RNF216: variants seen among roughly 807,000 people sequenced by gnomAD.
The protein encoded by RNF216 is E3 ubiquitin-protein ligase RNF216.
Under a neutral mutation model 110.8 loss-of-function variants are expected in RNF216, and 72 were observed. The ratio of observed to expected loss-of-function variants is 0.65; its 90% CI spans 0.54 to 0.79. RNF216 has a LOEUF of 0.79. Ranked by LOEUF, RNF216 falls within the 30% of genes least tolerant of loss-of-function variation. RNF216 has a pLI of 0.00. For synonymous variants in RNF216, 495 were observed against 407.5 expected (o/e 1.21, Z -2.59); for missense variants, 1,342 against 1,141.2 (o/e 1.18, Z -2.54).
chr7:5,729,354 A>T (rs1423915872), intron 7 of RNF216, 78 bp downstream of exon 7: 1 of 1,438,852 alleles, frequency 6.9e-7, no homozygotes, highest in Non-Finnish European at 9.7e-7. Context: ...AATTTCCACA[A>T]GCTGAACTGT....
chr7:5,635,983 G>A (rs1322302276), intron 15 of RNF216, among the ~76,000 whole-genome samples: 1 of 152,164 alleles, frequency 6.6e-6, no homozygotes, highest in African/African-American at 2.4e-5. Context: ...ATTCTCTGTA[G>A]TTTCTCGTAG....
chr7:5,745,308 A>G (rs1056164209), intron 3 of RNF216, among the ~76,000 whole-genome samples: 1 of 152,260 alleles, frequency 6.6e-6, no homozygotes, highest in Non-Finnish European at 1.5e-5. Context: ...AATTTTTTTA[A>G]GTCAAAGTAA....
At chr7:5,630,299 G>A (rs1347122372) in intron 15 of RNF216, among the ~76,000 whole-genome samples, 1 of 152,120 alleles carries the variant, frequency 6.6e-6, no homozygotes, top group Non-Finnish European at 1.5e-5. Flanking sequence ...TGGCTTGAGT[G>A]CATATGCAGC....
chr7:5,735,656 A>C (rs1033489864), intron 5 of RNF216, among the ~76,000 whole-genome samples: 1 of 152,216 alleles, frequency 6.6e-6, no homozygotes, highest in Non-Finnish European at 1.5e-5. Flanking sequence ...ACTTAGAGAC[A>C]TGGAGATTGT....
intron 13 of RNF216, among the ~76,000 whole-genome samples, chr7:5,665,474 A>T: frequency 6.6e-6 from 1 of 152,094 alleles, no homozygotes; most frequent in East Asian, 1.9e-4. Context: ...ATTTCTGTGG[A>T]TTAGAAAAGT....
At chr7:5,761,213 C>T (rs188308623) in intron 1 of RNF216, 75 bp from the exon 2 acceptor site, 2 of 459,162 alleles carry the variant, frequency 4.4e-6, no homozygotes, top group East Asian at 4.3e-5. Flanking sequence ...GTCAGGGGAA[C>T]ATCTGAAGCT....
chr7:5,682,221 C>G (rs896850535), intron 13 of RNF216, among the ~76,000 whole-genome samples: 3 of 152,146 alleles, frequency 2.0e-5, no homozygotes, highest in Non-Finnish European at 4.4e-5. Context: ...CTGACTTTTT[C>G]TCAAATCTAG....
At chr7:5,671,904 G>C (rs1371018985) in intron 13 of RNF216, among the ~76,000 whole-genome samples, 1 of 150,944 alleles carries the variant, frequency 6.6e-6, no homozygotes, top group Non-Finnish European at 1.5e-5. Context: ...TCCTCTGCAA[G>C]CCAAGGAGAG....
chr7:5,753,644 C>T (rs1795447862), intron 2 of RNF216, among the ~76,000 whole-genome samples: 1 of 152,110 alleles, frequency 6.6e-6, no homozygotes, highest in South Asian at 2.1e-4. Flanking sequence ...GTAACACAAA[C>T]TGGTATTTTT....
At chr7:5,661,960 G>A (rs852420) in intron 13 of RNF216, among the ~76,000 whole-genome samples, 28,930 of 152,198 alleles carry the variant, frequency 0.19, 4,990 homozygotes, top group African/African-American at 0.46. Flanking sequence ...GTTTGCTAGC[G>A]AAAGCAGGTC....
chr7:5,647,180 T>A (rs572069948), intron 14 of RNF216, among the ~76,000 whole-genome samples: 1 of 151,964 alleles, frequency 6.6e-6, no homozygotes, highest in African/African-American at 2.4e-5. Context: ...CTTGCTCTGG[T>A]GGGAGATAGG....
intron 4 of RNF216, among the ~76,000 whole-genome samples, chr7:5,740,218 C>T (rs891889646): frequency 2.7e-5 from 4 of 147,630 alleles, no homozygotes; most frequent in African/African-American, 1.0e-4. Flanking sequence ...GCTCTGCCTC[C>T]TGGGTTCACA....
chr7:5,731,840 G>A (rs902278916), intron 5 of RNF216, among the ~76,000 whole-genome samples: 2 of 145,264 alleles, frequency 1.4e-5, no homozygotes, highest in African/African-American at 2.9e-5. Context: ...CAGAAAGAGG[G>A]TAGAGAAAAA....
intron 15 of RNF216, among the ~76,000 whole-genome samples, chr7:5,626,943 AC>A (rs1481549838): frequency 8.5e-5 from 13 of 152,272 alleles, no homozygotes; most frequent in Non-Finnish European, 7.4e-5. Context: ...ACTGGGAGAC[AC>A]CCACAGTATT....
At chr7:5,654,054 T>TA (rs914675285) in intron 13 of RNF216, among the ~76,000 whole-genome samples, 1 of 151,934 alleles carries the variant, frequency 6.6e-6, no homozygotes, top group South Asian at 2.1e-4. Context: ...GTATGTCTTT[T>TA]AAAAAAAATC....
At chr7:5,662,070 T>A (rs1312851725) in intron 13 of RNF216, among the ~76,000 whole-genome samples, 2 of 152,152 alleles carry the variant, frequency 1.3e-5, no homozygotes, top group Non-Finnish European at 2.9e-5. Flanking sequence ...TCAGCAAATC[T>A]GGGTGTGAGC....
rs750005494 is a variant in RNF216 at position 5,715,196 on chromosome 7, G to C, written c.1696-6C>G. ...CACTCAATCAGCTGGCCATCCTGCA[G>C]GCAGTCAAGAAACACACATGAAATG... is the stretch of plus-strand genomic sequence containing the variant. On this transcript the variant is annotated splice_polypyrimidine_tract_variant and splice_region_variant and intron_variant, in intron 10 of 16. Coordinates refer to ENST00000389902, the MANE Select transcript of RNF216 (RefSeq NM_207111.4). 6.2e-7 allele frequency: 1 copy of C among 1,611,952 alleles called. No homozygotes were observed. Among genetic ancestry groups the C allele is most frequent in the South Asian group, 1.1e-5 (1 of 90,988 alleles).
chr7:5,673,499 T>C (rs972097519), intron 13 of RNF216, among the ~76,000 whole-genome samples: 1 of 152,182 alleles, frequency 6.6e-6, no homozygotes, highest in African/African-American at 2.4e-5. Flanking sequence ...CTGGGGGTGA[T>C]GTGAAGAACA....
rs200643372 is a variant in RNF216 at position 5,738,087 on chromosome 7, C to CAAAAAA, written c.1121+1183_1121+1188dup. ...CTGGGCAACAGAATAAGACTGTCTC[C>CAAAAAA]AAAAAAAAAAAAAAAAAAAAAAAAA... On this transcript the variant is annotated intron_variant, in intron 5 of 16. Transcript: ENST00000389902. Among the ~76,000 whole-genome samples, 212 of 110,936 alleles carry CAAAAAA rather than the reference C, an allele frequency of 1.9e-3. 2 individuals carry two copies. Among genetic ancestry groups the CAAAAAA allele is most frequent in the African/African-American group, 6.9e-3 (173 of 25,240 alleles). 72.8% of individuals were successfully genotyped at this position (110,936 alleles called of 152,430 possible). A position where few individuals can be genotyped will look rare whatever the true frequency, so the allele number is the denominator to read the frequency against.
Sources: allele counts gnomAD v4.1 joint callset (sites outside exome capture counted in the v4.1 genomes callset), GRCh38; gene constraint gnomAD v4.1.1; transcripts MANE v1.5; gene names NCBI Gene and HGNC (gene_info 2026-07-23, HGNC 2026-07-21).